GALNT13: variants seen among roughly 807,000 people sequenced by gnomAD.
GALNT13 encodes UDP-GalNAc:polypeptide N-acetylgalactosaminyltransferase 13.
GALNT13 carries 28 observed loss-of-function variants against 64.2 expected under a neutral mutation model. That is an observed-to-expected ratio of 0.44 (90% CI 0.32 to 0.60). The LOEUF (loss-of-function observed/expected upper bound fraction) is 0.60. GALNT13 is among the 20% of genes least tolerant of loss of function. The pLI is 0.05. For synonymous variants in GALNT13, 214 were observed against 224.6 expected, an observed-to-expected ratio of 0.95 and a Z score of 0.42; for missense variants, 577 against 669.8, an observed-to-expected ratio of 0.86 and a Z score of 1.53.
chr2:153,731,134 G>T, the GALNT13 span, among the ~76,000 whole-genome samples: 1 of 151,650 alleles, frequency 6.6e-6, no homozygotes, highest in African/African-American at 2.4e-5. Context: ...TGACATATAT[G>T]TGTGTCATTT....
At chr2:153,755,099 T>C in the GALNT13 span, among the ~76,000 whole-genome samples, 1 of 152,188 alleles carries the variant, frequency 6.6e-6, no homozygotes. Context: ...TTGAGACTGT[T>C]TTCTCTACCT....
chr2:154,339,405 G>T (rs889155671), intron 9 of GALNT13, among the ~76,000 whole-genome samples: 4 of 152,156 alleles, frequency 2.6e-5, no homozygotes, highest in African/African-American at 9.6e-5. Context: ...CAAAAAAATA[G>T]TGGGTGTACT....
At chr2:154,319,956 C>T (rs944533939) in intron 9 of GALNT13, among the ~76,000 whole-genome samples, 2 of 151,980 alleles carry the variant, frequency 1.3e-5, no homozygotes, top group Non-Finnish European at 2.9e-5. Context: ...AAACTAGAAA[C>T]ACTAAGTGCT....
At chr2:154,202,221 A>C (rs756284037) in intron 4 of GALNT13, among the ~76,000 whole-genome samples, 1 of 152,100 alleles carries the variant, frequency 6.6e-6, no homozygotes, top group Non-Finnish European at 1.5e-5. Context: ...TTTTGCTTTC[A>C]TGGGAAGGGG....
At chr2:154,298,825 TACATTATATATAAATTA>T (rs1244646704) in intron 8 of GALNT13, among the ~76,000 whole-genome samples, 2 of 4,114 alleles carry the variant, frequency 4.9e-4, no homozygotes, top group African/African-American at 1.0e-3. Context: ...TATTTATATA[TACATTATATATAAATTA>T]TATATTATTT....
chr2:153,102,341 A>AT, the GALNT13 span, among the ~76,000 whole-genome samples: 10 of 151,496 alleles, frequency 6.6e-5, no homozygotes, highest in South Asian at 6.3e-4. Context: ...CTGTCTTATG[A>AT]TTTTTTTTAA....
chr2:153,282,907 A>T, the GALNT13 span, among the ~76,000 whole-genome samples: 2 of 152,158 alleles, frequency 1.3e-5, no homozygotes, highest in Non-Finnish European at 2.9e-5. Context: ...TGTTGGGCAG[A>T]ATCTTTTGGC....
intron 11 of GALNT13, among the ~76,000 whole-genome samples, chr2:154,419,672 A>G (rs1483762969): frequency 6.6e-6 from 1 of 152,140 alleles, no homozygotes; most frequent in Non-Finnish European, 1.5e-5. Context: ...TTGTGTCCAT[A>G]ATATTAAAAA....
the GALNT13 span, among the ~76,000 whole-genome samples, chr2:153,648,060 A>G: frequency 6.6e-6 from 1 of 152,118 alleles, no homozygotes. Flanking sequence ...CTTGGGAGCT[A>G]TGGCCATTTT....
the GALNT13 span, among the ~76,000 whole-genome samples, chr2:153,308,991 T>C: frequency 1.8e-4 from 27 of 152,238 alleles, no homozygotes; most frequent in South Asian, 4.6e-3. Flanking sequence ...GCAGTTGAAA[T>C]GTGGGTTTTT....
intron 1 of GALNT13, among the ~76,000 whole-genome samples, chr2:153,874,519 A>G (rs1209791334): frequency 1.3e-5 from 2 of 152,110 alleles, no homozygotes; most frequent in Non-Finnish European, 2.9e-5. Context: ...CAGTTCGGAA[A>G]GTCCTGAGTG....
At chr2:153,804,642 AT>A in the GALNT13 span, among the ~76,000 whole-genome samples, 16 of 152,020 alleles carry the variant, frequency 1.1e-4, no homozygotes, top group East Asian at 1.9e-4. Context: ...CTGTTTAACT[AT>A]TTTTTTTCTT....
At chr2:153,968,589 T>C (rs564662236) in intron 3 of GALNT13, among the ~76,000 whole-genome samples, 1 of 152,342 alleles carries the variant, frequency 6.6e-6, no homozygotes, top group African/African-American at 2.4e-5. Flanking sequence ...CTTGCATGGA[T>C]AGTTGTTGAA....
chr2:153,402,545 C>T, the GALNT13 span, among the ~76,000 whole-genome samples: 2 of 152,012 alleles, frequency 1.3e-5, no homozygotes, highest in Non-Finnish European at 2.9e-5. Context: ...TTCCATTCTC[C>T]CCATCACTTT....
At chr2:154,221,523 A>G (rs1209641055) in intron 4 of GALNT13, among the ~76,000 whole-genome samples, 1 of 152,104 alleles carries the variant, frequency 6.6e-6, no homozygotes, top group Non-Finnish European at 1.5e-5. Context: ...CTAATGTAAC[A>G]TTTGAGATCT....
intron 3 of GALNT13, among the ~76,000 whole-genome samples, chr2:153,951,154 C>A (rs1519206): frequency 0.77 from 117,591 of 151,976 alleles, 45,915 homozygotes; most frequent in East Asian, 0.96. Context: ...TTTTGACTGA[C>A]TGTAGGGTAT....
intron 9 of GALNT13, among the ~76,000 whole-genome samples, chr2:154,345,106 T>G (rs1695995368): frequency 6.6e-6 from 1 of 152,000 alleles, no homozygotes; most frequent in Non-Finnish European, 1.5e-5. Context: ...GGAGCAGCTT[T>G]TGTATATCTC....
chr2:154,090,266 A>C (rs1401742625), intron 3 of GALNT13, among the ~76,000 whole-genome samples: 2 of 152,100 alleles, frequency 1.3e-5, no homozygotes, highest in Non-Finnish European at 2.9e-5. Context: ...TTTTCTGGAA[A>C]TAGGTGAAAG....
intron 9 of GALNT13, among the ~76,000 whole-genome samples, chr2:154,385,522 G>A (rs1262291279): frequency 3.3e-5 from 5 of 151,912 alleles, no homozygotes; most frequent in African/African-American, 7.2e-5. Context: ...CCCTACTTCT[G>A]CTATTTTCTA....
Sources: gnomAD v4.1 joint callset for allele counts (sites outside exome capture counted in the v4.1 genomes callset) on GRCh38, gnomAD v4.1.1 for gene constraint, MANE v1.5 for transcripts, NCBI Gene and HGNC (gene_info 2026-07-23, HGNC 2026-07-21) for gene names.